PCBP2: variants seen among roughly 807,000 people sequenced by gnomAD.
PCBP2 encodes the protein poly(rC)-binding protein 2.
In PCBP2, 4 loss-of-function variants were observed where a neutral mutation model predicts 50.1. The ratio of observed to expected loss-of-function variants is 0.08; its 90% confidence interval spans 0.04 to 0.18. The LOEUF (loss-of-function observed/expected upper bound fraction) is 0.18, where lower values mean the gene tolerates loss of function less well. Ranked by LOEUF, PCBP2 falls within the 10% of genes least tolerant of loss-of-function variation. The pLI is 1.00. For missense variants in PCBP2, 161 were observed against 474.3 expected (o/e 0.34, Z 6.14); for synonymous variants, 179 against 168.0 (o/e 1.07, Z -0.51).
chr12:53,470,398 A>AG (rs1942133163), intron 13 of PCBP2, among the ~76,000 whole-genome samples: 1 of 139,546 alleles, frequency 7.2e-6, no homozygotes, highest in African/African-American at 2.6e-5. Context: ...AAAAAAAAAA[A>AG]AAAAGTGTAG....
At chr12:53,465,009 C>A in intron 9 of PCBP2, 157 bp downstream of exon 9, 2 of 908,462 alleles carry the variant, frequency 2.2e-6, no homozygotes, top group Non-Finnish European at 3.0e-6. Context: ...TCATTTCACC[C>A]AGGCCGCGTA....
intron 10 of PCBP2, 80 bp from the exon 11 acceptor site, chr12:53,467,141 C>T: frequency 9.4e-7 from 1 of 1,068,094 alleles, no homozygotes; most frequent in Non-Finnish European, 1.4e-6. Flanking sequence ...GAATCAGGAC[C>T]TGCATTTTCA....
chr12:53,470,698 A>C (rs543026315), intron 13 of PCBP2, among the ~76,000 whole-genome samples: 18 of 151,486 alleles, frequency 1.2e-4, no homozygotes, highest in Admixed American at 1.2e-3. Context: ...GTTCATGAAC[A>C]TCAGATCTGT....
rs1181693708 is a variant in PCBP2 at position 53,480,367 on chromosome 12, G to GT, written c.*926dup. The stretch of plus-strand genomic sequence containing the variant: ...TTGACATTATACTCATTTAGTGAGA[G>GT]TAGATGCAAAAAAGTGGAGGGGCAG... On this transcript the variant is annotated 3_prime_UTR_variant, in exon 15 of 15. Coordinates refer to ENST00000546463, the MANE Select transcript of PCBP2 (RefSeq NM_031989.5). 1 of 152,344 alleles carries GT rather than the reference G, an allele frequency of 6.6e-6. No individual in the cohort carries two copies. Among genetic ancestry groups the GT allele is most frequent in the African/African-American group, 2.4e-5 (1 of 41,426 alleles). 9.4% of individuals were successfully genotyped at this position (152,344 alleles called of 1,614,324 possible).
Position 53,452,248 on chromosome 12 carries a change from C to T in PCBP2, c.-204C>T, listed in dbSNP as rs1366041915. 7.7e-6 allele frequency: 1 copy of T among 130,330 alleles called. No individual in the cohort carries two copies. Among genetic ancestry groups the T allele is most frequent in the Non-Finnish European group, 1.7e-5 (1 of 59,702 alleles). 8.1% of individuals were successfully genotyped at this position (130,330 alleles called of 1,614,324 possible). A position where few individuals can be genotyped will look rare whatever the true frequency, so the allele number is the denominator to read the frequency against. ...TTCCTCCTCCTCCTCCTCCACCCCCCCTTCCTCCTCCGCCCGCCCGCGGGG... is the reference window on the plus strand; with the variant it reads ...TTCCTCCTCCTCCTCCTCCACCCCCTCTTCCTCCTCCGCCCGCCCGCGGGG... On this transcript the variant is annotated 5_prime_UTR_variant, in exon 1 of 15. Coordinates refer to ENST00000546463, the MANE Select transcript of PCBP2 (RefSeq NM_031989.5).
At chr12:53,456,883 T>C (rs1298885895) in intron 5 of PCBP2, among the ~76,000 whole-genome samples, 1 of 152,190 alleles carries the variant, frequency 6.6e-6, no homozygotes, top group African/African-American at 2.4e-5. Context: ...GCTGCTTCCT[T>C]GGTGGTTGGT....
At position 53,468,836 on chromosome 12, in the gene PCBP2, A is replaced by T; in HGVS notation, c.882+4A>T. On this transcript the variant is annotated splice_donor_region_variant and intron_variant, in intron 13 of 14. Transcript: ENST00000546463. ...TGAACTCACCATTCCAAACGATGTA[A>T]GTGTAGTTAGGTTGCATGGGATGAA... is the stretch of plus-strand genomic sequence containing the variant. The T allele has an allele frequency of 6.2e-7, 1 of 1,606,936 alleles. No individual in the cohort carries two copies. Among genetic ancestry groups the T allele is most frequent in the African/African-American group, 1.3e-5 (1 of 74,816 alleles).
rs367945345 is a variant in PCBP2, at chr12:53,453,909, C to CA, written c.-75-811dup. 6.5e-4 allele frequency among the ~76,000 whole-genome samples: 99 copies of CA among 152,212 alleles called. 1 individual carries two copies. The highest frequency in any genetic ancestry group is 1.3e-3 in the Non-Finnish European group (90 of 67,962). ...GTGCATTTGCTGCTGTTCTTAAAAA[C>CA]AAAAAATTTTAGCAATGCCAGTTTT... On this transcript the variant is annotated intron_variant, in intron 1 of 14. Transcript: ENST00000546463.
Position 53,454,840 on chromosome 12 carries a change from C to T in PCBP2, c.40C>T (p.Leu14Phe), listed in dbSNP as rs1184573343. 6.2e-7 allele frequency: 1 copy of T among 1,614,138 alleles called. No homozygotes were observed. ...GVIEGGLNVTLTIRLLMHGKE... is the reference protein window; with the variant it reads ...GVIEGGLNVTFTIRLLMHGKE... Reference sequence around the variant, plus strand: ...GATTGAAGGTGGATTAAATGTCACTCTCACCATCCGGCTACTTATGCATGG... The same window carrying T: ...GATTGAAGGTGGATTAAATGTCACTTTCACCATCCGGCTACTTATGCATGG... The change falls in exon 2 of 15, where the codon CTC (leucine) becomes TTC (phenylalanine). Residue 14 changes from leucine (L) to phenylalanine (F), a missense_variant. Physicochemically the swap from Leu to Phe is conservative, Grantham distance 22 (BLOSUM62 0). Coordinates refer to ENST00000546463, the MANE Select transcript of PCBP2 (RefSeq NM_031989.5).
chr12:53,472,709 C>G (rs1232092436), intron 14 of PCBP2, among the ~76,000 whole-genome samples: 1 of 152,080 alleles, frequency 6.6e-6, no homozygotes, highest in Non-Finnish European at 1.5e-5. Context: ...GAAAGGAATT[C>G]CTAAGTATGT....
chr12:53,471,887 T>C (rs145030767), intron 14 of PCBP2, 80 bp downstream of exon 14: 312 of 1,221,718 alleles, frequency 2.6e-4, no homozygotes, highest in Admixed American at 4.9e-4. Context: ...GTATTAAATA[T>C]GGGATTACAT....
chr12:53,467,704 T>C, intron 11 of PCBP2, 101 bp from the exon 12 acceptor site: 1 of 959,542 alleles, frequency 1.0e-6, no homozygotes. Flanking sequence ...TGTTTTTGTT[T>C]TTATTTTGTT....
intron 14 of PCBP2, among the ~76,000 whole-genome samples, chr12:53,477,848 C>T (rs1052466288): frequency 5.3e-5 from 8 of 152,058 alleles, no homozygotes; most frequent in African/African-American, 9.7e-5. Flanking sequence ...TGGTGAATTA[C>T]CAATCATGTT....
intron 7 of PCBP2, among the ~76,000 whole-genome samples, chr12:53,461,428 T>G (rs917782006): frequency 6.6e-6 from 1 of 152,188 alleles, no homozygotes; most frequent in Non-Finnish European, 1.5e-5. Flanking sequence ...GGCCAGAGAT[T>G]TATTTGAGTT....
chr12:53,454,564 T>C (rs1940845834), intron 1 of PCBP2, 162 bp from the exon 2 acceptor site: 1 of 524,220 alleles, frequency 1.9e-6, no homozygotes, highest in Non-Finnish European at 3.5e-6. Flanking sequence ...GAACCTGAGC[T>C]GTATATTTTG....
chr12:53,473,249 T>A (rs897752191), intron 14 of PCBP2, among the ~76,000 whole-genome samples: 1 of 152,056 alleles, frequency 6.6e-6, no homozygotes, highest in Non-Finnish European at 1.5e-5. Context: ...CACGTCCAGC[T>A]AATTTTTGTA....
intron 5 of PCBP2, among the ~76,000 whole-genome samples, chr12:53,456,835 T>TG (rs1350994595): frequency 6.6e-6 from 1 of 152,212 alleles, no homozygotes; most frequent in African/African-American, 2.4e-5. Flanking sequence ...TCTGCATTAA[T>TG]GCATCAGTTG....
At position 53,479,582 on chromosome 12, in the gene PCBP2, C is replaced by A; in HGVS notation, c.*140C>A. The A allele has an allele frequency of 1.7e-6, 1 of 596,120 alleles. No homozygotes were observed. Among genetic ancestry groups the A allele is most frequent in the Non-Finnish European group, 3.0e-6 (1 of 335,494 alleles). The allele number at this position is 596,120 out of a possible 1,614,324, so 36.9% of individuals were successfully genotyped here. ...GTTTCTACACACTTTATCATCCACT[C>A]GTGATTTTTTAATTAAAGCGTTTTA... On this transcript the variant is annotated 3_prime_UTR_variant, in exon 15 of 15. Coordinates refer to ENST00000546463, the MANE Select transcript of PCBP2 (RefSeq NM_031989.5).
At chr12:53,454,505 C>T in intron 1 of PCBP2, 1 of 342,950 alleles carries the variant, frequency 2.9e-6, no homozygotes, top group Non-Finnish European at 5.5e-6. Flanking sequence ...AGCGGAAACC[C>T]TGTCATTAAT....
Sources: allele counts gnomAD v4.1 joint callset (sites outside exome capture counted in the v4.1 genomes callset), GRCh38; gene constraint gnomAD v4.1.1; transcripts MANE v1.5; gene names NCBI Gene and HGNC (gene_info 2026-07-23, HGNC 2026-07-21).